Variants in SLC52A1 observed in about 807,000 individuals in gnomAD.
SLC52A1 encodes solute carrier family 52, riboflavin transporter, member 1.
SLC52A1 carries 20 observed loss-of-function variants against 23.2 expected under a neutral mutation model. The observed-to-expected ratio is 0.86, with a 90% CI of 0.61 to 1.25. The LOEUF is 1.25. Ranked by LOEUF, SLC52A1 falls within the 50% of genes most tolerant of loss-of-function variation. The pLI, the probability that SLC52A1 is intolerant of heterozygous loss-of-function variation, is 0.00. For synonymous variants in SLC52A1, 260 were observed against 256.6 expected, an observed-to-expected ratio of 1.01 and a Z score of -0.13; for missense variants, 528 against 557.0, an observed-to-expected ratio of 0.95 and a Z score of 0.52.
rs1269557757 is a variant in SLC52A1 at position 5,033,640 on chromosome 17, C to A, written c.849G>T (p.Leu283=). The part of the protein sequence containing the change: ...QLFSAHGAFL[L]GLMAFTSAVT... ...CGGCACTGGTGAAGGCCATCAGGCCCAGCAGGAAGGCACCATGGGCTGAGA... is the reference window on the plus strand; with the variant it reads ...CGGCACTGGTGAAGGCCATCAGGCCAAGCAGGAAGGCACCATGGGCTGAGA... Residue 283 remains leucine, a synonymous_variant, in exon 3 of 5, where the codon CTG becomes CTT. Coordinates refer to ENST00000254853, the MANE Select transcript of SLC52A1 (RefSeq NM_017986.4). 1 of 1,613,906 alleles carries A rather than the reference C, an allele frequency of 6.2e-7. No homozygotes were observed. The highest frequency in any genetic ancestry group is 1.7e-5 in the Admixed American group (1 of 60,014).
Position 5,033,131 on chromosome 17 carries a change from A to T in SLC52A1, c.1173T>A (p.Tyr391Ter). The part of the protein sequence containing the change: ...SWVLCLCVFS[Y>*]VKVAASSLLH... ...GCAGGGAGCTTGCAGCCACCTTCACATATGAGAACACACACAGACACAGCA... is the reference window on the plus strand; with the variant it reads ...GCAGGGAGCTTGCAGCCACCTTCACTTATGAGAACACACACAGACACAGCA... The change falls in exon 5 of 5, where the codon TAT (tyrosine) becomes TAA (stop). Residue 391 changes from tyrosine (Y) to a stop codon, truncating the protein, a stop_gained. Coordinates refer to ENST00000254853, the MANE Select transcript of SLC52A1 (RefSeq NM_017986.4). LOFTEE classifies it low-confidence loss of function (END_TRUNC). 6.2e-6 allele frequency: 10 copies of T among 1,613,916 alleles called. No homozygotes were observed. Among genetic ancestry groups the T allele is most frequent in the Non-Finnish European group, 7.6e-6 (9 of 1,180,018 alleles).
upstream of SLC52A1, among the ~76,000 whole-genome samples, chr17:5,039,285 T>C (rs1975517647): frequency 6.6e-6 from 1 of 150,686 alleles, no homozygotes; most frequent in Non-Finnish European, 1.5e-5. Context: ...ATCGTGCCAC[T>C]ACACTCCAGC....
chr17:5,041,141 A>G (rs1975540451), intron 1 of SLC52A1, among the ~76,000 whole-genome samples: 1 of 152,078 alleles, frequency 6.6e-6, no homozygotes, highest in South Asian at 2.1e-4. Context: ...GCTGGAGTCC[A>G]GTGGCAAGAT....
At chr17:5,038,825 T>TG (rs1975509209), upstream of SLC52A1, among the ~76,000 whole-genome samples, 1 of 151,962 alleles carries the variant, frequency 6.6e-6, no homozygotes, top group African/African-American at 2.4e-5. Flanking sequence ...TCTGACCTCG[T>TG]GATCCGCCCA....
chr17:5,037,900 T>C (rs1975491974), upstream of SLC52A1, among the ~76,000 whole-genome samples: 1 of 130,252 alleles, frequency 7.7e-6, no homozygotes, highest in South Asian at 2.2e-4. Context: ...ATCTGTTTCT[T>C]TCTTTCTTCC....
intron 2 of SLC52A1, 39 bp downstream of exon 2, chr17:5,034,434 GGCAT>G (rs1174947184): frequency 6.2e-7 from 1 of 1,612,480 alleles, no homozygotes; most frequent in South Asian, 1.1e-5. Context: ...CACCTTTCTG[GGCAT>G]ACCTGCCCCA....
intron 1 of SLC52A1, among the ~76,000 whole-genome samples, chr17:5,042,207 G>A (rs1038791882): frequency 2.0e-5 from 3 of 152,196 alleles, no homozygotes; most frequent in East Asian, 1.9e-4. Context: ...TCTGGGGCAC[G>A]GGGCTGGCCT....
intron 1 of SLC52A1, among the ~76,000 whole-genome samples, chr17:5,041,835 C>A (rs1975548555): frequency 6.6e-6 from 1 of 151,842 alleles, no homozygotes; most frequent in African/African-American, 2.4e-5. Flanking sequence ...TGGTCTTGAA[C>A]TCCTGACCTC....
chr17:5,042,265 G>A (rs1350948143), intron 1 of SLC52A1, among the ~76,000 whole-genome samples: 1 of 152,136 alleles, frequency 6.6e-6, no homozygotes, highest in African/African-American at 2.4e-5. Flanking sequence ...TTGTGCAGGG[G>A]ATAAACTCTT....
At chr17:5,036,955 A>T (rs1255939830), upstream of SLC52A1, among the ~76,000 whole-genome samples, 2 of 152,224 alleles carry the variant, frequency 1.3e-5, no homozygotes, top group East Asian at 3.9e-4. Context: ...AGCAGCTGGG[A>T]CTACAAGCAC....
upstream of SLC52A1, among the ~76,000 whole-genome samples, chr17:5,039,163 A>C (rs1975515222): frequency 6.6e-6 from 1 of 151,546 alleles, no homozygotes; most frequent in Non-Finnish European, 1.5e-5. Context: ...TCTCTACTAA[A>C]AATACAAAAA....
Position 5,032,930 on chromosome 17 carries a change from T to A in SLC52A1, c.*27A>T. ...AGCCTCACGATGAAGACAGGTGGGGTGGAGTTGGGTCCCCACCTGCCCAGG... is the reference window on the plus strand; with the variant it reads ...AGCCTCACGATGAAGACAGGTGGGGAGGAGTTGGGTCCCCACCTGCCCAGG... On this transcript the variant is annotated 3_prime_UTR_variant, in exon 5 of 5. Coordinates refer to ENST00000254853, the MANE Select transcript of SLC52A1 (RefSeq NM_017986.4). The A allele has an allele frequency of 6.3e-7, 1 of 1,586,726 alleles. No individual in the cohort carries two copies. The highest frequency in any genetic ancestry group is 8.6e-7 in the Non-Finnish European group (1 of 1,157,504).
At chr17:5,037,078 G>C (rs1490643328), upstream of SLC52A1, among the ~76,000 whole-genome samples, 1 of 152,154 alleles carries the variant, frequency 6.6e-6, no homozygotes, top group African/African-American at 2.4e-5. Context: ...GAGCACAGGA[G>C]GTCAAGGCTG....
At chr17:5,039,723 C>T (rs922431115), upstream of SLC52A1, among the ~76,000 whole-genome samples, 54 of 152,190 alleles carry the variant, frequency 3.5e-4, no homozygotes, top group African/African-American at 1.3e-3. Context: ...CCGCCCGCCT[C>T]GGCCTCCCAA....
rs148063153 is a variant in SLC52A1, at chr17:5,033,081, A to G, written c.1223T>C (p.Leu408Ser). Residue 408 changes from leucine to serine, a missense_variant, in exon 5 of 5, where the codon TTG (leucine) becomes TCG (serine). Leu to Ser is a moderately radical substitution (Grantham distance 145, BLOSUM62 -2). Coordinates refer to ENST00000254853, the MANE Select transcript of SLC52A1 (RefSeq NM_017986.4). Reference sequence around the variant, plus strand: ...TTGGATGGCCACACCAGCTGCCAGCAATGCCGGCCGACCCCCACCATGCAG... The same window carrying G: ...TTGGATGGCCACACCAGCTGCCAGCGATGCCGGCCGACCCCCACCATGCAG... ...SLLHGGGRPA[L>S]LAAGVAIQVG... 2 of 1,613,582 alleles carry G rather than the reference A, an allele frequency of 1.2e-6. No homozygotes were observed. The highest frequency in any genetic ancestry group is 2.7e-5 in the African/African-American group (2 of 74,914).
chr17:5,039,779 G>T (rs1434774465), upstream of SLC52A1, among the ~76,000 whole-genome samples: 1 of 152,176 alleles, frequency 6.6e-6, no homozygotes, highest in Non-Finnish European at 1.5e-5. Flanking sequence ...GTCAGTAATT[G>T]ACAATGTATA....
chr17:5,037,596 A>G (rs1018252748), upstream of SLC52A1, among the ~76,000 whole-genome samples: 2 of 152,018 alleles, frequency 1.3e-5, no homozygotes, highest in Admixed American at 6.6e-5. Context: ...TCATTTACCT[A>G]TTGTCTACAC....
chr17:5,034,511 C>T lies in SLC52A1; in HGVS notation c.96G>A (p.Val32=), dbSNP rs1310574830. 6.2e-7 allele frequency: 1 copy of T among 1,614,114 alleles called. No individual in the cohort carries two copies. Among genetic ancestry groups the T allele is most frequent in the Admixed American group, 1.7e-5 (1 of 59,994 alleles). Residue 32 remains valine, a synonymous_variant, in exon 2 of 5, where the codon GTG becomes GTA. Coordinates refer to ENST00000254853, the MANE Select transcript of SLC52A1 (RefSeq NM_017986.4). ...GGTCTTTTACCACCACAGGCAGCTC[C>T]ACCCAGATCCCGTTCACAGCAGCCC... ...GSWAAVNGIW[V]ELPVVVKDLP...
chr17:5,037,045 C>T (rs1316662834), upstream of SLC52A1, among the ~76,000 whole-genome samples: 2 of 151,922 alleles, frequency 1.3e-5, no homozygotes, highest in Non-Finnish European at 2.9e-5. Flanking sequence ...GCTACTCAGG[C>T]GTCTGAGGTG....
Sources: allele counts gnomAD v4.1 joint callset (sites outside exome capture counted in the v4.1 genomes callset), GRCh38; gene constraint gnomAD v4.1.1; transcripts MANE v1.5; gene names NCBI Gene and HGNC (gene_info 2026-07-23, HGNC 2026-07-21).